C11orf71: variants seen among roughly 807,000 people sequenced by gnomAD.
C11orf71 encodes uncharacterized protein C11orf71.
For synonymous variants in C11orf71, 72 were observed against 73.4 expected (o/e 0.98, Z 0.09); for missense variants, 179 against 167.6 (o/e 1.07, Z -0.38).
downstream of C11orf71, among the ~76,000 whole-genome samples, chr11:114,395,058 T>C (rs1352954224): frequency 1.3e-5 from 2 of 151,924 alleles, no homozygotes; most frequent in Non-Finnish European, 2.9e-5. Flanking sequence ...TATTCATTCA[T>C]TCAACACGCA....
chr11:114,398,310 C>T (rs2135342893), downstream of C11orf71, among the ~76,000 whole-genome samples: 1 of 152,144 alleles, frequency 6.6e-6, no homozygotes, highest in South Asian at 2.1e-4. Context: ...TATATATTAT[C>T]CTTGGGAAAA....
At chr11:114,391,677 A>G in intron 1 of C11orf71, 2 of 1,258,036 alleles carry the variant, frequency 1.6e-6, no homozygotes, top group Non-Finnish European at 2.2e-6. Flanking sequence ...TAAAATACAC[A>G]AAATGGATGA....
At chr11:114,394,389 G>A (rs758576680), downstream of C11orf71, among the ~76,000 whole-genome samples, 1 of 151,456 alleles carries the variant, frequency 6.6e-6, no homozygotes, top group East Asian at 1.9e-4. Flanking sequence ...CTGCCTCCCA[G>A]GTTCAAGCGA....
At chr11:114,394,272 CTTT>C (rs1169804475), downstream of C11orf71, among the ~76,000 whole-genome samples, 100 of 64,578 alleles carry the variant, frequency 1.5e-3, 8 homozygotes, top group African/African-American at 7.9e-3. Context: ...CTTTTCTTTT[CTTT>C]TCTTTTCTTT....
At chr11:114,394,140 G>A (rs1235253959), downstream of C11orf71, among the ~76,000 whole-genome samples, 3 of 146,666 alleles carry the variant, frequency 2.0e-5, no homozygotes, top group Non-Finnish European at 3.0e-5. Flanking sequence ...TCACCACTCC[G>A]GCTAATTTTT....
downstream of C11orf71, among the ~76,000 whole-genome samples, chr11:114,394,228 C>CTTTCT (rs368913754): frequency 0.018 from 879 of 48,546 alleles, 27 homozygotes; most frequent in Middle Eastern, 0.035. Flanking sequence ...CTTTTCTTTT[C>CTTTCT]TTTCTTTTCT....
rs1467248449 is a variant in C11orf71 at position 114,399,202 on chromosome 11, T to C, written c.*758A>G. 1 of 152,180 alleles carries C rather than the reference T, an allele frequency of 6.6e-6. No individual in the cohort carries two copies. Among genetic ancestry groups the C allele is most frequent in the Non-Finnish European group, 1.5e-5 (1 of 68,030 alleles). 9.4% of individuals were successfully genotyped at this position (152,180 alleles called of 1,614,324 possible). On this transcript the variant is annotated 3_prime_UTR_variant, in exon 1 of 1. Coordinates refer to ENST00000623205, the MANE Select transcript of C11orf71 (RefSeq NM_001271562.2). ...TTCTTGATGGCCAGACTGTGTAAAA[T>C]TCATACAGTGTTTACTACAGGGATC...
At chr11:114,396,194 G>A (rs1006986205), downstream of C11orf71, among the ~76,000 whole-genome samples, 1 of 152,244 alleles carries the variant, frequency 6.6e-6, no homozygotes. Flanking sequence ...CTGTAGAAGA[G>A]AGGCTCCCCA....
chr11:114,400,196 G>A lies in C11orf71; in HGVS notation c.136C>T (p.Pro46Ser), dbSNP rs1946174081. The change falls in exon 1 of 1, where the codon CCT (proline) becomes TCT (serine). Residue 46 changes from proline to serine, a missense_variant. Pro to Ser is a moderately conservative substitution (Grantham distance 74). Transcript: ENST00000623205. Reference protein sequence around the residue: ...VSGDGFLVSRPEAIHLGPRQA... With the variant: ...VSGDGFLVSRSEAIHLGPRQA... The stretch of plus-strand genomic sequence containing the variant: ...CGAGGTCCTAGATGAATCGCTTCAG[G>A]CCTGGAAACGAGGAAGCCGTCTCCG... 6.2e-7 allele frequency: 1 copy of A among 1,613,508 alleles called. No individual in the cohort carries two copies. Among genetic ancestry groups the A allele is most frequent in the East Asian group, 2.2e-5 (1 of 44,860 alleles).
chr11:114,394,375 A>C (rs187937481), downstream of C11orf71, among the ~76,000 whole-genome samples: 3 of 150,450 alleles, frequency 2.0e-5, no homozygotes, highest in Non-Finnish European at 2.9e-5. Flanking sequence ...GCTCACTGCA[A>C]CTTCTGCCTC....
downstream of C11orf71, among the ~76,000 whole-genome samples, chr11:114,394,214 TTTTC>T (rs1491338264): frequency 5.3e-5 from 3 of 57,046 alleles, no homozygotes; most frequent in African/African-American, 3.1e-4. Flanking sequence ...TTTTCTTTTC[TTTTC>T]TTTTCTTTTC....
At chr11:114,397,842 C>T (rs1946140425), downstream of C11orf71, among the ~76,000 whole-genome samples, 1 of 152,186 alleles carries the variant, frequency 6.6e-6, no homozygotes, top group African/African-American at 2.4e-5. Flanking sequence ...GCACCCTCTT[C>T]CACTCCCAAG....
chr11:114,392,078 G>A (rs1272596921), intron 1 of C11orf71, among the ~76,000 whole-genome samples: 2 of 152,012 alleles, frequency 1.3e-5, no homozygotes, highest in Non-Finnish European at 1.5e-5. Context: ...TACAGGTATT[G>A]GTTGCATTTT....
chr11:114,398,477 CTT>C (rs1219291306), downstream of C11orf71: 1 of 152,180 alleles, frequency 6.6e-6, no homozygotes, highest in Non-Finnish European at 1.5e-5. Context: ...GAGTACCCCT[CTT>C]ATGGGCTGCT....
downstream of C11orf71, among the ~76,000 whole-genome samples, chr11:114,394,284 T>TTTCTTTTCTTTTCTTTTCTC (rs1441634194): frequency 3.6e-5 from 3 of 84,470 alleles, no homozygotes; most frequent in South Asian, 7.1e-4. Context: ...TTTCTTTTCT[T>TTTCTTTTCTTTTCTTTTCTC]TTCTCTTATT....
chr11:114,399,681 G>T lies in C11orf71; in HGVS notation c.*279C>A. ...TGTCTGAGTTAACGAATGGATTGTT[G>T]ACCTCTGGGGAGGGTGCTCCCATCA... is the stretch of plus-strand genomic sequence containing the variant. On this transcript the variant is annotated 3_prime_UTR_variant, in exon 1 of 1. Coordinates refer to ENST00000623205, the MANE Select transcript of C11orf71 (RefSeq NM_001271562.2). The T allele has an allele frequency of 2.6e-6, 1 of 382,338 alleles. No individual in the cohort carries two copies. Among genetic ancestry groups the T allele is most frequent in the East Asian group, 4.2e-5 (1 of 23,852 alleles). 23.7% of individuals were successfully genotyped at this position (382,338 alleles called of 1,614,324 possible).
chr11:114,394,259 T>TTTC (rs1425678886), downstream of C11orf71, among the ~76,000 whole-genome samples: 8 of 70,650 alleles, frequency 1.1e-4, no homozygotes, highest in Admixed American at 5.6e-4. Context: ...TTTCTTTTCT[T>TTTC]TTCTTTTCTT....
At chr11:114,394,307 C>CT (rs1215350174), downstream of C11orf71, among the ~76,000 whole-genome samples, 1 of 100,532 alleles carries the variant, frequency 9.9e-6, no homozygotes, top group African/African-American at 3.8e-5. Flanking sequence ...CTTTTCTTTT[C>CT]TTTTTGAGAC....
Position 114,399,848 on chromosome 11 carries a change from A to C in C11orf71, c.*112T>G. On this transcript the variant is annotated 3_prime_UTR_variant, in exon 1 of 1. Transcript: ENST00000623205. ...ATATTCATATAACTCCCACGTATTAAATGAAAATACATCCATCTAAAAATA... is the reference window on the plus strand; with the variant it reads ...ATATTCATATAACTCCCACGTATTACATGAAAATACATCCATCTAAAAATA... 1.5e-6 allele frequency: 2 copies of C among 1,367,230 alleles called. No homozygotes were observed. Among genetic ancestry groups the C allele is most frequent in the South Asian group, 1.5e-5 (1 of 65,114 alleles). The allele number at this position is 1,367,230 out of a possible 1,614,324, so 84.7% of individuals were successfully genotyped here.
Sources: gnomAD v4.1 joint callset for allele counts (sites outside exome capture counted in the v4.1 genomes callset) on GRCh38, gnomAD v4.1.1 for gene constraint, MANE v1.5 for transcripts, NCBI Gene and HGNC (gene_info 2026-07-23, HGNC 2026-07-21) for gene names.